The following PCDHA11 variants were observed in gnomAD, a reference collection of about 807,000 sequenced individuals.
PCDHA11 encodes protocadherin alpha-11.
A neutral mutation model predicts 70.3 loss-of-function variants in PCDHA11; 61 were observed. The ratio of observed to expected loss-of-function variants is 0.87; its 90% CI spans 0.71 to 1.07. The LOEUF (loss-of-function observed/expected upper bound fraction) is 1.07. PCDHA11 is among the 50% of genes least tolerant of loss of function. The pLI is 0.00. For missense variants in PCDHA11, 1,324 were observed against 1,237.5 expected (o/e 1.07, Z -1.05); for synonymous variants, 633 against 555.1 (o/e 1.14, Z -1.97).
intron 3 of PCDHA11, among the ~76,000 whole-genome samples, chr5:141,006,271 G>T (rs2098264486): frequency 6.6e-6 from 1 of 151,918 alleles, no homozygotes; most frequent in Non-Finnish European, 1.5e-5. Context: ...GACTGCAGTG[G>T]CACGATCTCA....
At chr5:140,871,703 A>G (rs1202166124) in intron 1 of PCDHA11, 9 of 879,148 alleles carry the variant, frequency 1.0e-5, no homozygotes, top group African/African-American at 1.7e-5. Context: ...TTTAACCAAT[A>G]AATGTCCTAT....
chr5:141,009,407 G>T (rs990895210), intron 3 of PCDHA11, among the ~76,000 whole-genome samples: 2 of 152,184 alleles, frequency 1.3e-5, no homozygotes, highest in Admixed American at 6.5e-5. Flanking sequence ...TGCAGTGACT[G>T]CATTTCAGCC....
At chr5:140,955,648 A>G (rs1554222007) in intron 1 of PCDHA11, among the ~76,000 whole-genome samples, 1 of 152,138 alleles carries the variant, frequency 6.6e-6, no homozygotes, top group East Asian at 1.9e-4. Flanking sequence ...ACAAATTAAT[A>G]CACATATGAA....
intron 1 of PCDHA11, chr5:140,928,442 A>G (rs781976941): frequency 1.2e-6 from 2 of 1,614,166 alleles, no homozygotes; most frequent in South Asian, 1.1e-5. Flanking sequence ...GACTTTGAGC[A>G]GCTCAGGGGG....
In PCDHA11 at chr5:140,876,944, C is replaced by T. The variant is rs550148099; in HGVS notation, c.2391+5450C>T. On this transcript the variant is annotated intron_variant, in intron 1 of 3. Transcript: ENST00000398640. ...GACGCGCAGAAGAACGCGCTGGTGT[C>T]CTACTCGCTGGTGGAGCGGCGGGTG... is the stretch of plus-strand genomic sequence containing the variant. The T allele has an allele frequency of 9.9e-6, 16 of 1,613,620 alleles. No individual in the cohort carries two copies. In the South Asian group the frequency reaches 1.5e-4, roughly 16 times the overall value.
chr5:140,929,124 C>A (rs2085843450), intron 1 of PCDHA11: 5 of 1,614,048 alleles, frequency 3.1e-6, no homozygotes, highest in Admixed American at 3.3e-5. Context: ...CCATAGATGT[C>A]ACTACAGTTG....
intron 1 of PCDHA11, chr5:140,927,582 G>C (rs1554204771): frequency 1.2e-6 from 2 of 1,614,174 alleles, no homozygotes; most frequent in Non-Finnish European, 8.5e-7. Context: ...ATGACAACGC[G>C]CCTGTATTTG....
At chr5:140,995,500 G>A (rs541415385) in intron 3 of PCDHA11, among the ~76,000 whole-genome samples, 22 of 152,298 alleles carry the variant, frequency 1.4e-4, no homozygotes, top group Admixed American at 1.2e-3. Flanking sequence ...AAGGTTGACT[G>A]TGGGTAACTG....
At chr5:140,871,595 C>A in intron 1 of PCDHA11, 101 bp downstream of exon 1, 1 of 1,454,324 alleles carries the variant, frequency 6.9e-7, no homozygotes, top group South Asian at 1.5e-5. Context: ...TTATGAATAA[C>A]CAGTGTTTTG....
chr5:140,984,878 C>G (rs2097124872), intron 3 of PCDHA11, among the ~76,000 whole-genome samples: 1 of 151,854 alleles, frequency 6.6e-6, no homozygotes, highest in African/African-American at 2.4e-5. Flanking sequence ...ATTGAGTTAC[C>G]ATGAGAACTA....
At chr5:140,883,003 C>A in intron 1 of PCDHA11, 5 of 1,614,050 alleles carry the variant, frequency 3.1e-6, no homozygotes, top group Non-Finnish European at 4.2e-6. Flanking sequence ...TTTACCAATC[C>A]GTTTATAAAG....
chr5:140,878,790 CTT>C (rs2057728380), intron 1 of PCDHA11, among the ~76,000 whole-genome samples: 1 of 152,154 alleles, frequency 6.6e-6, no homozygotes. Context: ...TGTTCAATCA[CTT>C]TTTAAAAACA....
At chr5:140,904,974 T>C (rs537444148) in intron 1 of PCDHA11, among the ~76,000 whole-genome samples, 97 of 152,356 alleles carry the variant, frequency 6.4e-4, no homozygotes, top group African/African-American at 2.2e-3. Context: ...GTGACTATTT[T>C]CTCCCACTCT....
chr5:140,917,333 G>A (rs1301739777), intron 1 of PCDHA11, among the ~76,000 whole-genome samples: 2 of 148,632 alleles, frequency 1.3e-5, no homozygotes, highest in African/African-American at 4.9e-5. Flanking sequence ...GCGGGGGAGG[G>A]GGGGGATGGT....
intron 1 of PCDHA11, among the ~76,000 whole-genome samples, chr5:140,924,894 CAAAA>C (rs782133089): frequency 1.1e-4 from 8 of 71,470 alleles, no homozygotes; most frequent in African/African-American, 3.4e-4. Flanking sequence ...GAACCTGTCT[CAAAA>C]AAAAAAATAA....
chr5:140,881,459 A>G (rs1172310253), intron 1 of PCDHA11: 2 of 672,234 alleles, frequency 3.0e-6, no homozygotes, highest in Non-Finnish European at 3.7e-6. Flanking sequence ...AAAACCTTAG[A>G]GCATTGTTGT....
intron 1 of PCDHA11, chr5:140,929,973 G>A (rs955255771): frequency 6.6e-6 from 1 of 152,136 alleles, no homozygotes; most frequent in Non-Finnish European, 1.5e-5. Context: ...TTTGGTGAAG[G>A]TGTCTTCTTT....
chr5:140,884,745 A>G (rs1479357916), intron 1 of PCDHA11: 20 of 1,431,734 alleles, frequency 1.4e-5, no homozygotes, highest in Non-Finnish European at 1.7e-5. Context: ...TTTCCTGCCA[A>G]TTTCAAATTA....
chr5:140,946,781 G>A (rs1006814243), intron 1 of PCDHA11, among the ~76,000 whole-genome samples: 6 of 151,330 alleles, frequency 4.0e-5, no homozygotes, highest in African/African-American at 1.2e-4. Flanking sequence ...ATGTAAAAAA[G>A]CTGATCTTAT....
Sources: gnomAD v4.1 joint callset for allele counts (sites outside exome capture counted in the v4.1 genomes callset) on GRCh38, gnomAD v4.1.1 for gene constraint, MANE v1.5 for transcripts, NCBI Gene and HGNC (gene_info 2026-07-23, HGNC 2026-07-21) for gene names.